The following DPP10 variants were observed in gnomAD, a reference collection of about 807,000 sequenced individuals.
DPP10 encodes inactive dipeptidyl peptidase 10.
A neutral mutation model predicts 120.9 loss-of-function variants in DPP10; 33 were observed. That is an observed-to-expected ratio of 0.27 (90% CI 0.21 to 0.37). The LOEUF (loss-of-function observed/expected upper bound fraction) is 0.37, where lower values mean the gene tolerates loss of function less well. Ranked by LOEUF, DPP10 falls within the 10% of genes least tolerant of loss-of-function variation. The pLI is 1.00. For synonymous variants in DPP10, 337 were observed against 326.1 expected, an observed-to-expected ratio of 1.03 and a Z score of -0.36; for missense variants, 816 against 942.8, an observed-to-expected ratio of 0.87 and a Z score of 1.76.
chr2:114,496,659 C>G (rs1573490481), intron 1 of DPP10, among the ~76,000 whole-genome samples: 2 of 152,044 alleles, frequency 1.3e-5, no homozygotes, highest in African/African-American at 4.8e-5. Context: ...GGGTTTTGAA[C>G]ATATGAAACT....
At chr2:115,377,023 T>G (rs547540767) in intron 3 of DPP10, among the ~76,000 whole-genome samples, 35 of 151,232 alleles carry the variant, frequency 2.3e-4, no homozygotes, top group African/African-American at 7.8e-4. Context: ...CATGTGCATG[T>G]GTCTTTATAG....
At chr2:115,614,684 C>T (rs942898073) in intron 5 of DPP10, among the ~76,000 whole-genome samples, 4 of 152,294 alleles carry the variant, frequency 2.6e-5, no homozygotes, top group East Asian at 1.9e-4. Context: ...CTCGGCCAGG[C>T]GTAAGCAACC....
At chr2:114,757,749 C>A (rs1347968617) in intron 1 of DPP10, among the ~76,000 whole-genome samples, 1 of 152,174 alleles carries the variant, frequency 6.6e-6, no homozygotes, top group African/African-American at 2.4e-5. Flanking sequence ...AGACCTACCA[C>A]ACCAGCAACT....
intron 5 of DPP10, among the ~76,000 whole-genome samples, chr2:115,668,224 C>T (rs543273137): frequency 3.3e-5 from 5 of 151,896 alleles, no homozygotes; most frequent in African/African-American, 4.8e-5. Context: ...TTTGAATGTT[C>T]CCGCCAACAT....
At chr2:115,173,816 C>T (rs905190037) in intron 1 of DPP10, among the ~76,000 whole-genome samples, 17 of 152,122 alleles carry the variant, frequency 1.1e-4, no homozygotes, top group African/African-American at 3.9e-4. Flanking sequence ...TTACAACCGA[C>T]TATGTGATTA....
intron 1 of DPP10, among the ~76,000 whole-genome samples, chr2:114,850,165 T>C (rs1190706570): frequency 6.6e-6 from 1 of 151,748 alleles, no homozygotes; most frequent in Admixed American, 6.6e-5. Context: ...GGACTATAGG[T>C]GCACACCACC....
At chr2:115,403,774 G>A (rs963022450) in intron 3 of DPP10, among the ~76,000 whole-genome samples, 1 of 151,916 alleles carries the variant, frequency 6.6e-6, no homozygotes, top group Non-Finnish European at 1.5e-5. Context: ...AAAATAAAAG[G>A]CATACTAATA....
intron 3 of DPP10, among the ~76,000 whole-genome samples, chr2:115,437,611 A>G (rs1204153694): frequency 6.6e-6 from 1 of 152,098 alleles, no homozygotes; most frequent in African/African-American, 2.4e-5. Flanking sequence ...GAAAATTGAA[A>G]AACGATGCTG....
rs1364703813 is a variant in DPP10 at position 115,373,297 on chromosome 2, T to C, written c.271+29385T>C. Among the ~76,000 whole-genome samples, 4 of 152,184 alleles carry C rather than the reference T, an allele frequency of 2.6e-5. No homozygotes were observed. The East Asian group carries it at 5.8e-4, about 22-fold the overall frequency. The stretch of plus-strand genomic sequence containing the variant: ...ATGCATCTTCCTTCAGACGAGAACA[T>C]AGATGTTTAGGGAGGTCTTATAAGA... On this transcript the variant is annotated intron_variant, in intron 3 of 25. Transcript: ENST00000410059.
intron 1 of DPP10, among the ~76,000 whole-genome samples, chr2:114,968,178 T>C (rs1699165298): frequency 6.6e-6 from 1 of 152,212 alleles, no homozygotes; most frequent in South Asian, 2.1e-4. Context: ...ACACCTGTGC[T>C]CTCGTCTTGT....
chr2:115,382,630 C>T (rs1230421605), intron 3 of DPP10, among the ~76,000 whole-genome samples: 2 of 151,974 alleles, frequency 1.3e-5, no homozygotes, highest in South Asian at 2.1e-4. Flanking sequence ...AGGTCTCTTC[C>T]TAGAAAATTG....
intron 5 of DPP10, among the ~76,000 whole-genome samples, chr2:115,538,718 A>C (rs748016000): frequency 6.6e-6 from 1 of 152,012 alleles, no homozygotes; most frequent in Non-Finnish European, 1.5e-5. Flanking sequence ...CATTAACTTT[A>C]AAAACACTGA....
chr2:114,980,965 G>A (rs1040065163), intron 1 of DPP10, among the ~76,000 whole-genome samples: 1 of 150,184 alleles, frequency 6.7e-6, no homozygotes, highest in Non-Finnish European at 1.5e-5. Context: ...TAAATTAAAT[G>A]CAGTTTTATC....
chr2:115,797,911 AT>A (rs1323230532), intron 19 of DPP10, among the ~76,000 whole-genome samples: 5 of 151,480 alleles, frequency 3.3e-5, no homozygotes, highest in African/African-American at 7.3e-5. Context: ...TTTGGTGTTT[AT>A]TTTAACTGGA....
intron 15 of DPP10, among the ~76,000 whole-genome samples, chr2:115,778,450 A>G (rs1017606678): frequency 6.6e-6 from 1 of 152,096 alleles, no homozygotes; most frequent in East Asian, 1.9e-4. Context: ...TTAAGCTCAC[A>G]CCTATTTAGT....
chr2:115,155,173 G>C (rs1179503421), intron 1 of DPP10, among the ~76,000 whole-genome samples: 1 of 151,948 alleles, frequency 6.6e-6, no homozygotes, highest in Admixed American at 6.6e-5. Flanking sequence ...CTCCCAAAGT[G>C]CTAGGGCTAT....
chr2:114,609,060 T>G (rs1166546456), intron 1 of DPP10, among the ~76,000 whole-genome samples: 2 of 151,536 alleles, frequency 1.3e-5, no homozygotes, highest in Admixed American at 6.6e-5. Context: ...AATAAATAAA[T>G]AAAAGGTTAA....
At chr2:115,694,844 G>A (rs2091496815) in intron 7 of DPP10, among the ~76,000 whole-genome samples, 1 of 152,200 alleles carries the variant, frequency 6.6e-6, no homozygotes, top group Non-Finnish European at 1.5e-5. Context: ...GCAGGCAGCT[G>A]TGCTTATGTT....
chr2:115,369,528 C>T (rs2065274143), intron 3 of DPP10, among the ~76,000 whole-genome samples: 1 of 151,984 alleles, frequency 6.6e-6, no homozygotes, highest in Non-Finnish European at 1.5e-5. Flanking sequence ...GGGATTATAA[C>T]TGAACTTAAG....
Sources: gnomAD v4.1 joint callset for allele counts (sites outside exome capture counted in the v4.1 genomes callset) on GRCh38, gnomAD v4.1.1 for gene constraint, MANE v1.5 for transcripts, NCBI Gene and HGNC (gene_info 2026-07-23, HGNC 2026-07-21) for gene names.